GIT2: variants seen among roughly 807,000 people sequenced by gnomAD.
The protein encoded by GIT2 is GIT ArfGAP 2, also known as ARF GTPase-activating protein GIT2.
In GIT2, 32 loss-of-function variants were observed where a neutral mutation model predicts 100.3. The ratio of observed to expected loss-of-function variants is 0.32; its 90% CI spans 0.24 to 0.43. The LOEUF (loss-of-function observed/expected upper bound fraction) is 0.43, where lower values mean the gene tolerates loss of function less well. Ranked by LOEUF, GIT2 falls within the 20% of genes least tolerant of loss-of-function variation. The pLI is 1.00. For synonymous variants in GIT2, 353 were observed against 364.1 expected (o/e 0.97, Z 0.35); for missense variants, 737 against 975.1 (o/e 0.76, Z 3.25).
intron 7 of GIT2, among the ~76,000 whole-genome samples, chr12:109,978,438 C>G (rs975128030): frequency 6.6e-6 from 1 of 152,172 alleles, no homozygotes; most frequent in Admixed American, 6.6e-5. Flanking sequence ...TCTGCACACA[C>G]CACTCTTTCT....
intron 8 of GIT2, chr12:109,965,799 G>T: frequency 1.5e-6 from 1 of 666,402 alleles, no homozygotes. Flanking sequence ...TGTTAAAGAG[G>T]AAAAAAAAAT....
chr12:109,945,223 C>T, intron 16 of GIT2, 37 bp downstream of exon 16: 1 of 1,029,158 alleles, frequency 9.7e-7, no homozygotes, highest in Non-Finnish European at 1.5e-6. Context: ...AGCACGGCCC[C>T]TCCTCCAGAG....
chr12:109,996,312 A>T lies in GIT2; in HGVS notation c.-88T>A. 1 of 916,116 alleles carries T rather than the reference A, an allele frequency of 1.1e-6. No individual in the cohort carries two copies. The highest frequency in any genetic ancestry group is 1.6e-5 in the South Asian group (1 of 61,146). 56.7% of individuals were successfully genotyped at this position (916,116 alleles called of 1,614,324 possible). ...CGGCGCTTCCGCTCTAACGGGTCCC[A>T]GCTGCGGCGGCGCTGACGGCGGCGC... On this transcript the variant is annotated 5_prime_UTR_variant, in exon 1 of 20. Transcript: ENST00000355312.
intron 6 of GIT2, chr12:109,982,956 A>G (rs1886631456): frequency 6.2e-6 from 1 of 161,978 alleles, no homozygotes. Flanking sequence ...TAGAGTGAGC[A>G]CTTAGATGTC....
intron 8 of GIT2, 163 bp downstream of exon 8, chr12:109,967,295 T>C: frequency 6.3e-7 from 1 of 1,577,068 alleles, no homozygotes; most frequent in Non-Finnish European, 8.6e-7. Context: ...ACTTAAGTTT[T>C]ATATAGTGGT....
intron 1 of GIT2, among the ~76,000 whole-genome samples, chr12:109,992,858 G>A (rs1888675573): frequency 6.6e-6 from 1 of 151,870 alleles, no homozygotes; most frequent in African/African-American, 2.4e-5. Flanking sequence ...TTTTAGTACA[G>A]ACGAGGTTTC....
intron 6 of GIT2, 186 bp from the exon 7 acceptor site, chr12:109,981,232 AC>A: frequency 1.8e-6 from 1 of 545,568 alleles, no homozygotes; most frequent in East Asian, 3.0e-5. Flanking sequence ...AACTGTTTTC[AC>A]CATCTGAACT....
chr12:109,958,633 T>C (rs1207357590), intron 12 of GIT2, among the ~76,000 whole-genome samples: 2 of 152,224 alleles, frequency 1.3e-5, no homozygotes, highest in East Asian at 3.8e-4. Context: ...TTATTCCTGG[T>C]TGAACAGATA....
Position 109,942,461 on chromosome 12 carries a change from G to A in GIT2, c.1731+2799C>T, listed in dbSNP as rs148739303. ...TGATTCTCCTGCCTAAGCCTCCCAA[G>A]TAGCTGGGACTACAGGCACCCACCG... On this transcript the variant is annotated intron_variant, in intron 16 of 19. Coordinates refer to ENST00000355312, the MANE Select transcript of GIT2 (RefSeq NM_057169.5). Among the ~76,000 whole-genome samples, 434 of 152,110 alleles carry A rather than the reference G, an allele frequency of 2.9e-3. 1 individual carries two copies. Among genetic ancestry groups the A allele is most frequent in the East Asian group, 0.02 (102 of 5,158 alleles).
chr12:109,974,535 G>A (rs1243202044), intron 7 of GIT2, among the ~76,000 whole-genome samples: 1 of 152,058 alleles, frequency 6.6e-6, no homozygotes, highest in Non-Finnish European at 1.5e-5. Flanking sequence ...CCAAAAAAAA[G>A]CAGCATGTTG....
In GIT2 at chr12:109,948,873, A is replaced by C; in HGVS notation, c.1393-1369T>G. 3 of 1,507,788 alleles carry C rather than the reference A, an allele frequency of 2.0e-6. No homozygotes were observed. Among genetic ancestry groups the C allele is most frequent in the Non-Finnish European group, 2.7e-6 (3 of 1,091,148 alleles). 93.4% of individuals were successfully genotyped at this position (1,507,788 alleles called of 1,614,324 possible). A position where few individuals can be genotyped will look rare whatever the true frequency, so the allele number is the denominator to read the frequency against. ...TGTTAAATGTGAAAGATCAGATACA[A>C]ATCATGCTACTTTGTCAACTTTATG... On this transcript the variant is annotated intron_variant, in intron 14 of 19. Transcript: ENST00000355312. The surrounding 1 kb of genome is among the most constrained non-coding windows in gnomAD (Gnocchi z 4.3).
intron 7 of GIT2, among the ~76,000 whole-genome samples, chr12:109,978,078 T>G (rs899228940): frequency 1.9e-4 from 19 of 101,960 alleles, no homozygotes; most frequent in Non-Finnish European, 2.8e-4. Context: ...ATTTAGAGGT[T>G]TTTTTTTTTT....
intron 7 of GIT2, among the ~76,000 whole-genome samples, chr12:109,976,378 G>A (rs1233569448): frequency 2.0e-5 from 3 of 146,920 alleles, no homozygotes; most frequent in East Asian, 2.0e-4. Context: ...TCCGCCTCCC[G>A]GGTTCACGCC....
upstream of GIT2, chr12:109,999,717 ACT>A (rs1889843124): frequency 1.3e-6 from 2 of 1,539,656 alleles, no homozygotes; most frequent in African/African-American, 2.8e-5. The surrounding 1 kb of genome is among the most constrained non-coding windows in gnomAD (Gnocchi z 4.3). Flanking sequence ...GCGGGCGACC[ACT>A]ACCCCCTGCA....
chr12:109,996,314 CT>C lies in GIT2; in HGVS notation c.-91del, dbSNP rs1292682367. 4 of 900,632 alleles carry C rather than the reference CT, an allele frequency of 4.4e-6. No individual in the cohort carries two copies. Among genetic ancestry groups the C allele is most frequent in the Non-Finnish European group, 6.6e-6 (4 of 603,400 alleles). The allele number at this position is 900,632 out of a possible 1,614,324, so 55.8% of individuals were successfully genotyped here. On this transcript the variant is annotated 5_prime_UTR_variant, in exon 1 of 20. Coordinates refer to ENST00000355312, the MANE Select transcript of GIT2 (RefSeq NM_057169.5). Reference sequence around the variant, plus strand: ...GCGCTTCCGCTCTAACGGGTCCCAGCTGCGGCGGCGCTGACGGCGGCGCCTC... The same window carrying C: ...GCGCTTCCGCTCTAACGGGTCCCAGCGCGGCGGCGCTGACGGCGGCGCCTC...
At chr12:109,988,059 A>C (rs1887728251) in intron 4 of GIT2, among the ~76,000 whole-genome samples, 2 of 152,228 alleles carry the variant, frequency 1.3e-5, no homozygotes, top group Non-Finnish European at 2.9e-5. Context: ...ATTAAAAAGA[A>C]ACAATTGTCC....
At position 109,933,923 on chromosome 12, in the gene GIT2, C is replaced by T. The variant is rs1251654618; in HGVS notation, c.2067+99G>A. The stretch of plus-strand genomic sequence containing the variant: ...GCCTCGACTGCATATTTTAAAACTG[C>T]ATGTGCTACAAAAAAGCTAATGTAA... On this transcript the variant is annotated intron_variant, in intron 19 of 19. Coordinates refer to ENST00000355312, the MANE Select transcript of GIT2 (RefSeq NM_057169.5). This position sits in a 1 kb window ranked among gnomAD's most constrained non-coding sequence, Gnocchi z 4.5. 3.9e-6 allele frequency: 3 copies of T among 773,530 alleles called. No individual in the cohort carries two copies. The highest frequency in any genetic ancestry group is 1.8e-5 in the Admixed American group (1 of 56,188). The allele number at this position is 773,530 out of a possible 1,614,324, so 47.9% of individuals were successfully genotyped here.
chr12:109,998,718 A>G (rs1282298495), upstream of GIT2: 1 of 152,234 alleles, frequency 6.6e-6, no homozygotes, highest in African/African-American at 2.4e-5. Flanking sequence ...CTATTGAATC[A>G]TAACCCGGTT....
rs74578156 is a variant in GIT2 at position 109,948,806 on chromosome 12, G to A, written c.1393-1302C>T. The A allele has an allele frequency of 0.041, 65,076 of 1,602,196 alleles. 2,046 individuals are homozygous for A. The highest frequency in any genetic ancestry group is 0.16 in the African/African-American group (11,685 of 74,446). ...CCAATCTGTGAAAAATACACCAATA[G>A]TAGTTGCTCCTCTTCATTAATTAGC... is the stretch of plus-strand genomic sequence containing the variant. On this transcript the variant is annotated intron_variant, in intron 14 of 19. Coordinates refer to ENST00000355312, the MANE Select transcript of GIT2 (RefSeq NM_057169.5). This position sits in a 1 kb window ranked among gnomAD's most constrained non-coding sequence, Gnocchi z 4.3.
Sources: allele counts gnomAD v4.1 joint callset (sites outside exome capture counted in the v4.1 genomes callset), GRCh38; gene constraint gnomAD v4.1.1; non-coding constraint Gnocchi (gnomAD v3.1); transcripts MANE v1.5; gene names NCBI Gene and HGNC (gene_info 2026-07-23, HGNC 2026-07-21).